The following DLG2 variants were observed in gnomAD, a reference collection of about 807,000 sequenced individuals.
The protein encoded by DLG2 is disks large homolog 2.
A neutral mutation model predicts 132.5 loss-of-function variants in DLG2; 45 were observed. The observed-to-expected ratio is 0.34, with a 90% CI of 0.27 to 0.44. The LOEUF is 0.44. Among genes scored for constraint, DLG2 ranks in the 20% least tolerant of loss-of-function variants. The probability of loss-of-function intolerance (pLI) is 1.00; values close to 1 mark genes in which losing one functional copy is unlikely to be tolerated. For missense variants in DLG2, 1,045 were observed against 1,196.9 expected (o/e 0.87, Z 1.87); for synonymous variants, 424 against 419.6 (o/e 1.01, Z -0.13).
intron 7 of DLG2, among the ~76,000 whole-genome samples, chr11:84,526,363 T>C (rs559727251): frequency 1.2e-4 from 18 of 152,010 alleles, no homozygotes; most frequent in East Asian, 1.9e-4. Context: ...AATAAGGGAG[T>C]AAAATGAAAA....
intron 6 of DLG2, among the ~76,000 whole-genome samples, chr11:84,952,636 G>A (rs1029917928): frequency 1.3e-5 from 2 of 151,594 alleles, no homozygotes; most frequent in African/African-American, 4.8e-5. Flanking sequence ...TTGTGGCTAG[G>A]CCTCTATCTT....
At chr11:84,934,609 C>G (rs747289880) in intron 6 of DLG2, among the ~76,000 whole-genome samples, 2 of 142,630 alleles carry the variant, frequency 1.4e-5, no homozygotes, top group Non-Finnish European at 3.0e-5. Flanking sequence ...TTACAACCCT[C>G]AGGGAATATT....
At chr11:83,702,734 C>A (rs2083182827) in intron 18 of DLG2, among the ~76,000 whole-genome samples, 1 of 152,186 alleles carries the variant, frequency 6.6e-6, no homozygotes, top group African/African-American at 2.4e-5. Context: ...TTCTTCCTAC[C>A]TAGCCTGAGC....
chr11:85,500,887 C>A (rs897992212), intron 3 of DLG2, among the ~76,000 whole-genome samples: 4 of 152,146 alleles, frequency 2.6e-5, no homozygotes, highest in African/African-American at 7.2e-5. Context: ...CAAGTTACCA[C>A]TGACTTTCTT....
intron 3 of DLG2, among the ~76,000 whole-genome samples, chr11:85,521,756 G>T (rs1319369679): frequency 1.3e-5 from 2 of 152,152 alleles, no homozygotes; most frequent in East Asian, 1.9e-4. Flanking sequence ...CTAGAGAAAA[G>T]TTGATTCTTG....
At chr11:84,901,789 A>G (rs2090918777) in intron 6 of DLG2, among the ~76,000 whole-genome samples, 2 of 152,052 alleles carry the variant, frequency 1.3e-5, no homozygotes, top group African/African-American at 4.8e-5. Flanking sequence ...GACATCAACA[A>G]TTATCAAAAG....
At chr11:84,032,060 T>C (rs1030950651) in intron 11 of DLG2, among the ~76,000 whole-genome samples, 12 of 152,150 alleles carry the variant, frequency 7.9e-5, no homozygotes, top group African/African-American at 1.9e-4. Flanking sequence ...CAAAAATATG[T>C]CCTTACCTGT....
chr11:85,090,728 A>G (rs1208228617), intron 6 of DLG2, among the ~76,000 whole-genome samples: 1 of 152,204 alleles, frequency 6.6e-6, no homozygotes, highest in Non-Finnish European at 1.5e-5. Context: ...AGATCATCAC[A>G]ATAAAGCAAT....
At chr11:84,816,665 C>A (rs920464096) in intron 6 of DLG2, among the ~76,000 whole-genome samples, 1 of 151,902 alleles carries the variant, frequency 6.6e-6, no homozygotes, top group Admixed American at 6.6e-5. Flanking sequence ...AAGAAGGAAA[C>A]AGAGTTCAGT....
chr11:84,015,929 T>C (rs1193738650), intron 11 of DLG2, among the ~76,000 whole-genome samples: 4 of 151,978 alleles, frequency 2.6e-5, no homozygotes, highest in Non-Finnish European at 5.9e-5. Flanking sequence ...TTGAATTCTT[T>C]TGGCCCTAGG....
intron 11 of DLG2, among the ~76,000 whole-genome samples, chr11:84,045,434 A>G (rs1020786103): frequency 8.6e-5 from 13 of 151,790 alleles, no homozygotes; most frequent in Admixed American, 2.6e-4. Context: ...CAAGTGTATA[A>G]GTCTACAAAT....
intron 7 of DLG2, among the ~76,000 whole-genome samples, chr11:84,445,407 G>C (rs185849143): frequency 6.6e-6 from 1 of 152,264 alleles, no homozygotes; most frequent in East Asian, 1.9e-4. Flanking sequence ...TATAGAAACA[G>C]ATTTGTAAAT....
At chr11:84,371,869 C>G (rs1306696502) in intron 7 of DLG2, among the ~76,000 whole-genome samples, 2 of 152,120 alleles carry the variant, frequency 1.3e-5, no homozygotes, top group Non-Finnish European at 2.9e-5. Flanking sequence ...CAGCTAGTCT[C>G]TAATTTTACT....
intron 10 of DLG2, among the ~76,000 whole-genome samples, chr11:84,069,683 G>T (rs1489680511): frequency 6.6e-6 from 1 of 152,154 alleles, no homozygotes; most frequent in East Asian, 1.9e-4. Context: ...TAAAATGCTT[G>T]CAGGACTCTC....
intron 7 of DLG2, among the ~76,000 whole-genome samples, chr11:84,400,057 TG>T (rs1381564293): frequency 6.6e-6 from 1 of 152,196 alleles, no homozygotes; most frequent in African/African-American, 2.4e-5. Flanking sequence ...GTTTACCTAC[TG>T]GGGGGACACT....
chr11:85,136,928 T>A (rs760741235), intron 5 of DLG2, among the ~76,000 whole-genome samples: 9 of 152,092 alleles, frequency 5.9e-5, no homozygotes, highest in African/African-American at 1.2e-4. Context: ...TGATAGTTTT[T>A]AAAAAATCTA....
intron 3 of DLG2, among the ~76,000 whole-genome samples, chr11:85,395,886 T>G (rs891052028): frequency 6.6e-5 from 10 of 152,210 alleles, no homozygotes; most frequent in Non-Finnish European, 1.2e-4. Context: ...TAAACATCCC[T>G]GTCTGACAGC....
intron 7 of DLG2, among the ~76,000 whole-genome samples, chr11:84,299,694 A>T (rs1484843917): frequency 6.6e-6 from 1 of 152,236 alleles, no homozygotes; most frequent in Non-Finnish European, 1.5e-5. Flanking sequence ...AGTTATTGGA[A>T]AAACGAGTCC....
chr11:84,729,705 G>C (rs543634665), intron 6 of DLG2, among the ~76,000 whole-genome samples: 1 of 151,956 alleles, frequency 6.6e-6, no homozygotes, highest in East Asian at 1.9e-4. Flanking sequence ...GCATGACCTT[G>C]ACTTGAAATA....
Sources: allele counts gnomAD v4.1 joint callset (sites outside exome capture counted in the v4.1 genomes callset), GRCh38; gene constraint gnomAD v4.1.1; transcripts MANE v1.5; gene names NCBI Gene and HGNC (gene_info 2026-07-23, HGNC 2026-07-21).